PHF20L1: variants seen among roughly 807,000 people sequenced by gnomAD.
The protein encoded by PHF20L1 is PHD finger protein 20 like 1, also known as PHD finger protein 20-like protein 1.
PHF20L1 carries 44 observed loss-of-function variants against 125.5 expected under a neutral mutation model. The observed-to-expected ratio is 0.35, with a 90% confidence interval of 0.28 to 0.45. The LOEUF is 0.45. PHF20L1 is among the 20% of genes least tolerant of loss of function. The probability of loss-of-function intolerance (pLI) is 1.00; values close to 1 mark genes in which losing one functional copy is unlikely to be tolerated. For synonymous variants in PHF20L1, 380 were observed against 403.1 expected, an observed-to-expected ratio of 0.94 and a Z score of 0.69; for missense variants, 1,012 against 1,217.2, an observed-to-expected ratio of 0.83 and a Z score of 2.51.
In PHF20L1 at chr8:132,823,985, T is replaced by A. The variant is rs1182142607; in HGVS notation, c.1580-19T>A. 6.7e-7 allele frequency: 1 copy of A among 1,500,236 alleles called. No homozygotes were observed. Among genetic ancestry groups the A allele is most frequent in the Admixed American group, 1.8e-5 (1 of 54,470 alleles). The allele number at this position is 1,500,236 out of a possible 1,614,324, so 92.9% of individuals were successfully genotyped here. A position where few individuals can be genotyped will look rare whatever the true frequency, so the allele number is the denominator to read the frequency against. ...AAGTTTTTCTGATTAAACTTACATA[T>A]TTTTCCCCTAACCCACAGGAATATC... On this transcript the variant is annotated intron_variant, in intron 12 of 20. Transcript: ENST00000395386.
intron 2 of PHF20L1, among the ~76,000 whole-genome samples, chr8:132,789,918 G>A (rs1831479712): frequency 6.6e-6 from 1 of 152,094 alleles, no homozygotes; most frequent in Admixed American, 6.5e-5. Flanking sequence ...AGAGATGTCA[G>A]CTATGGTTAT....
chr8:132,847,911 T>C lies in PHF20L1; in HGVS notation c.*1988T>C, dbSNP rs1838528913. ...GTCTATATTTTATGATTGATACTAT[T>C]ATTTTTCCTTTGCATTTTAAAATAG... is the stretch of plus-strand genomic sequence containing the variant. On this transcript the variant is annotated 3_prime_UTR_variant, in exon 21 of 21. Transcript: ENST00000395386. The C allele has an allele frequency of 6.6e-6, 1 of 152,208 alleles. No homozygotes were observed. Among genetic ancestry groups the C allele is most frequent in the South Asian group, 2.1e-4 (1 of 4,834 alleles). 9.4% of individuals were successfully genotyped at this position (152,208 alleles called of 1,614,324 possible). A position where few individuals can be genotyped will look rare whatever the true frequency, so the allele number is the denominator to read the frequency against.
At chr8:132,810,996 G>A (rs747612171) in intron 8 of PHF20L1, 50 bp from the exon 9 acceptor site, 16 of 1,139,570 alleles carry the variant, frequency 1.4e-5, no homozygotes, top group Non-Finnish European at 2.1e-5. Flanking sequence ...TAATTAGGGT[G>A]TAAATCAGTA....
At chr8:132,843,983 A>G (rs1838197278) in intron 19 of PHF20L1, 173 bp from the exon 20 acceptor site, 3 of 985,286 alleles carry the variant, frequency 3.0e-6, no homozygotes, top group Non-Finnish European at 3.6e-6. Flanking sequence ...TCAGCTCTTA[A>G]GAACCACCAG....
At chr8:132,779,660 A>G (rs1830209945) in intron 2 of PHF20L1, among the ~76,000 whole-genome samples, 1 of 152,226 alleles carries the variant, frequency 6.6e-6, no homozygotes, top group East Asian at 1.9e-4. Flanking sequence ...TTTCAGGGAT[A>G]TTAATATAAC....
chr8:132,848,745 ATATT>A lies in PHF20L1; in HGVS notation c.*2824_*2827del, dbSNP rs10580863. On this transcript the variant is annotated 3_prime_UTR_variant, in exon 21 of 21. Transcript: ENST00000395386. The stretch of plus-strand genomic sequence containing the variant: ...CTGTCTTATTTCCTCTCAGATGTTC[ATATT>A]TCACATGTTCAAAATGAAGCGTACT... 39,652 of 151,786 alleles carry A rather than the reference ATATT, an allele frequency of 0.26. 6,338 individuals are homozygous for A. Among genetic ancestry groups the A allele is most frequent in the South Asian group, 0.45 (2,180 of 4,808 alleles). The allele number at this position is 151,786 out of a possible 1,614,324, so 9.4% of individuals were successfully genotyped here.
rs749891077 is a variant in PHF20L1 at position 132,836,518 on chromosome 8, A to T, written c.1910-22A>T. On this transcript the variant is annotated intron_variant, in intron 15 of 20. Transcript: ENST00000395386. ...TGAAAATAGAAAAGTTGTTCTAAGTATACTTTTTGTATATATTCTAGACTT... is the reference window on the plus strand; with the variant it reads ...TGAAAATAGAAAAGTTGTTCTAAGTTTACTTTTTGTATATATTCTAGACTT... 22 of 1,479,132 alleles carry T rather than the reference A, an allele frequency of 1.5e-5. 1 individual carries two copies. In the South Asian group the frequency reaches 2.6e-4, roughly 18 times the overall value. The allele number at this position is 1,479,132 out of a possible 1,614,324, so 91.6% of individuals were successfully genotyped here.
At chr8:132,833,116 G>T (rs1036158474) in intron 15 of PHF20L1, among the ~76,000 whole-genome samples, 1 of 152,080 alleles carries the variant, frequency 6.6e-6, no homozygotes, top group Non-Finnish European at 1.5e-5. Context: ...TAAGAGTAGA[G>T]CTCTAATGCA....
chr8:132,839,280 A>G (rs1837688387), intron 17 of PHF20L1, 107 bp from the exon 18 acceptor site: 5 of 801,724 alleles, frequency 6.2e-6, no homozygotes, highest in Admixed American at 2.0e-5. Flanking sequence ...ATCTGCTCCT[A>G]GTGCTAGAGC....
At chr8:132,805,508 G>A (rs1833583651) in intron 8 of PHF20L1, among the ~76,000 whole-genome samples, 1 of 151,942 alleles carries the variant, frequency 6.6e-6, no homozygotes, top group African/African-American at 2.4e-5. Flanking sequence ...CTGAGTATAT[G>A]TTGAAAGGGG....
intron 2 of PHF20L1, among the ~76,000 whole-genome samples, chr8:132,785,364 A>C (rs1367201052): frequency 2.0e-5 from 3 of 152,162 alleles, no homozygotes; most frequent in African/African-American, 7.2e-5. Flanking sequence ...TTGCAATTCT[A>C]GTTTTGCTGA....
chr8:132,802,393 A>G (rs372593338), intron 6 of PHF20L1, among the ~76,000 whole-genome samples: 4 of 151,536 alleles, frequency 2.6e-5, no homozygotes, highest in African/African-American at 9.7e-5. Context: ...GGTTCAGCTC[A>G]TCTATCATTT....
chr8:132,837,332 CT>C (rs1308290240), intron 16 of PHF20L1, among the ~76,000 whole-genome samples: 1 of 152,056 alleles, frequency 6.6e-6, no homozygotes, highest in Non-Finnish European at 1.5e-5. Context: ...AGAAGTAGTA[CT>C]TTAAGAGATC....
chr8:132,812,355 G>A, intron 9 of PHF20L1: 9 of 983,942 alleles, frequency 9.1e-6, no homozygotes, highest in Non-Finnish European at 1.1e-5. Context: ...ATCCTGCTGA[G>A]GTGAATGTGA....
rs1255344957 is a variant in PHF20L1 at position 132,775,440 on chromosome 8, T to A, written c.-243T>A. The A allele has an allele frequency of 2.6e-6, 1 of 385,202 alleles. No homozygotes were observed. Among genetic ancestry groups the A allele is most frequent in the Non-Finnish European group, 4.6e-6 (1 of 219,480 alleles). 23.9% of individuals were successfully genotyped at this position (385,202 alleles called of 1,614,324 possible). On this transcript the variant is annotated 5_prime_UTR_variant, in exon 1 of 21. Transcript: ENST00000395386. ...CGGCGGCGGCGATGGCAGCGGACCC[T>A]GAGCGAGCTTGAGGGCTCGGACCCA...
chr8:132,810,894 C>A, intron 8 of PHF20L1, 152 bp from the exon 9 acceptor site: 1 of 595,238 alleles, frequency 1.7e-6, no homozygotes, highest in African/African-American at 1.9e-5. Flanking sequence ...TATTATTAAG[C>A]ATATTTGTAT....
At chr8:132,802,410 A>G (rs1441036638) in intron 6 of PHF20L1, among the ~76,000 whole-genome samples, 2 of 151,664 alleles carry the variant, frequency 1.3e-5, no homozygotes, top group Admixed American at 1.3e-4. Context: ...ATTTTCCCTG[A>G]AGCTTTGCAT....
chr8:132,836,748 A>G (rs1837398034), intron 16 of PHF20L1, 27 bp downstream of exon 16: 1 of 1,548,952 alleles, frequency 6.5e-7, no homozygotes, highest in Non-Finnish European at 8.9e-7. Context: ...TCTTCCCTAT[A>G]ATGAGTTAGT....
intron 8 of PHF20L1, chr8:132,807,038 TC>T (rs965172529): frequency 5.3e-5 from 8 of 151,990 alleles, no homozygotes; most frequent in Non-Finnish European, 1.2e-4. Flanking sequence ...TTTCAGAGGT[TC>T]CAAATAGGTA....
Sources: allele counts gnomAD v4.1 joint callset (sites outside exome capture counted in the v4.1 genomes callset), GRCh38; gene constraint gnomAD v4.1.1; transcripts MANE v1.5; gene names NCBI Gene and HGNC (gene_info 2026-07-23, HGNC 2026-07-21).